DIPK2A: variants seen among roughly 807,000 people sequenced by gnomAD.
DIPK2A encodes divergent protein kinase domain 2A.
In DIPK2A, 27 loss-of-function variants were observed where a neutral mutation model predicts 39.0. The ratio of observed to expected loss-of-function variants is 0.69; its 90% CI spans 0.51 to 0.96. DIPK2A has a LOEUF of 0.96. Among genes scored for constraint, DIPK2A ranks in the 40% least tolerant of loss-of-function variants. The pLI is 0.00. For synonymous variants in DIPK2A, 298 were observed against 240.8 expected (o/e 1.24, Z -2.20); for missense variants, 528 against 571.3 (o/e 0.92, Z 0.77).
chr3:143,983,391 G>C (rs918668165), intron 1 of DIPK2A, among the ~76,000 whole-genome samples: 8 of 152,196 alleles, frequency 5.3e-5, no homozygotes, highest in African/African-American at 1.9e-4. Flanking sequence ...TTAGAATTCA[G>C]AATTAAGAAA....
At chr3:143,987,088 C>A (rs2087913922) in intron 2 of DIPK2A, among the ~76,000 whole-genome samples, 1 of 152,166 alleles carries the variant, frequency 6.6e-6, no homozygotes, top group South Asian at 2.1e-4. Context: ...TATTTCTTGA[C>A]TTGCCATGTA....
rs528144068 is a variant in DIPK2A at position 143,983,214 on chromosome 3, C to G, written c.658-2329C>G. 7.5e-4 allele frequency among the ~76,000 whole-genome samples: 114 copies of G among 152,240 alleles called. No homozygotes were observed. In the South Asian group the frequency reaches 0.023, roughly 31 times the overall value. Reference sequence around the variant, plus strand: ...TTCAGGACTTGAACTCAGCTCTGGACCAAGTGGACCTAATAGACATCTACA... The same window carrying G: ...TTCAGGACTTGAACTCAGCTCTGGAGCAAGTGGACCTAATAGACATCTACA... On this transcript the variant is annotated intron_variant, in intron 1 of 2. Coordinates refer to ENST00000315691, the MANE Select transcript of DIPK2A (RefSeq NM_173552.5).
At position 143,989,853 on chromosome 3, in the gene DIPK2A, C is replaced by G. The variant is rs758886062; in HGVS notation, c.*12C>G. 8.7e-5 allele frequency: 139 copies of G among 1,593,668 alleles called. No homozygotes were observed. Among genetic ancestry groups the G allele is most frequent in the Non-Finnish European group, 1.1e-4 (129 of 1,166,082 alleles). On this transcript the variant is annotated 3_prime_UTR_variant, in exon 3 of 3. Coordinates refer to ENST00000315691, the MANE Select transcript of DIPK2A (RefSeq NM_173552.5). ...ACAACGTGAGGTAGTCTATGGTGAACTTTTCTTTTTTTCTCCATTTAAACA... is the reference window on the plus strand; with the variant it reads ...ACAACGTGAGGTAGTCTATGGTGAAGTTTTCTTTTTTTCTCCATTTAAACA...
chr3:143,973,161 G>C, intron 1 of DIPK2A, 172 bp downstream of exon 1: 1 of 1,067,050 alleles, frequency 9.4e-7, no homozygotes, highest in Non-Finnish European at 1.4e-6. Context: ...TGTGCAGGGA[G>C]GCCGAGGGCG....
intron 1 of DIPK2A, chr3:143,978,438 GT>G (rs1363718051): frequency 6.6e-6 from 1 of 152,074 alleles, no homozygotes; most frequent in East Asian, 1.9e-4. Context: ...GAATTTGTCT[GT>G]TCATTTTACA....
chr3:143,988,786 A>T (rs1212045924), intron 2 of DIPK2A, among the ~76,000 whole-genome samples: 2 of 152,170 alleles, frequency 1.3e-5, no homozygotes, highest in Non-Finnish European at 2.9e-5. Flanking sequence ...CTTGTCATCC[A>T]ATTAGAACCT....
At chr3:143,974,854 A>G (rs2087707471) in intron 1 of DIPK2A, among the ~76,000 whole-genome samples, 2 of 152,164 alleles carry the variant, frequency 1.3e-5, no homozygotes, top group African/African-American at 4.8e-5. Context: ...ACTAAGGTAA[A>G]TTTGTGCTTT....
Position 143,990,641 on chromosome 3 carries a change from T to C in DIPK2A, c.*800T>C, listed in dbSNP as rs773019832. 4.5e-4 allele frequency: 68 copies of C among 152,676 alleles called. No individual in the cohort carries two copies. The highest frequency in any genetic ancestry group is 6.6e-4 in the Non-Finnish European group (45 of 67,978). The allele number at this position is 152,676 out of a possible 1,614,324, so 9.5% of individuals were successfully genotyped here. On this transcript the variant is annotated 3_prime_UTR_variant, in exon 3 of 3. Transcript: ENST00000315691. ...TTTTCTAAAGGCTTTAAGAAGAATA[T>C]ACTAGAATCTATATATTGATGTTAA...
chr3:143,981,518 G>A (rs2087829120), intron 1 of DIPK2A, among the ~76,000 whole-genome samples: 2 of 151,962 alleles, frequency 1.3e-5, no homozygotes, highest in Non-Finnish European at 2.9e-5. Context: ...CATCCTTTAG[G>A]TCTCAGCCTG....
intron 2 of DIPK2A, among the ~76,000 whole-genome samples, chr3:143,987,465 CTAAA>C (rs1457569972): frequency 6.6e-6 from 1 of 152,186 alleles, no homozygotes; most frequent in Non-Finnish European, 1.5e-5. Flanking sequence ...CATGGGTCCT[CTAAA>C]TAGTCACTTT....
Position 143,989,742 on chromosome 3 carries a change from G to A in DIPK2A, c.1194G>A (p.Leu398=). The A allele has an allele frequency of 6.2e-7, 1 of 1,614,248 alleles. No homozygotes were observed. Among genetic ancestry groups the A allele is most frequent in the Non-Finnish European group, 8.5e-7 (1 of 1,180,046 alleles). ...EIAKDGRLEA[L]LDECANPKKR... ...CCAAAGATGGCCGGCTCGAGGCCTT[G>A]CTGGATGAGTGTGCCAACCCAAAGA... is the stretch of plus-strand genomic sequence containing the variant. The change falls in exon 3 of 3, where the codon TTG becomes TTA. Residue 398 remains leucine, a synonymous_variant. Transcript: ENST00000315691.
At chr3:143,989,190 C>T (rs1269456767) in intron 2 of DIPK2A, among the ~76,000 whole-genome samples, 1 of 152,148 alleles carries the variant, frequency 6.6e-6, no homozygotes, top group Non-Finnish European at 1.5e-5. Context: ...TCTACAGCCC[C>T]AGGGACAAGT....
chr3:143,982,712 A>G (rs1314548616), intron 1 of DIPK2A, among the ~76,000 whole-genome samples: 2 of 152,228 alleles, frequency 1.3e-5, no homozygotes, highest in Non-Finnish European at 2.9e-5. Context: ...ATAACCAGCT[A>G]GCATCATAAT....
rs1444035261 is a variant in DIPK2A, at chr3:143,972,834, G to A, written c.502G>A (p.Val168Met). 3 of 1,566,746 alleles carry A rather than the reference G, an allele frequency of 1.9e-6. No homozygotes were observed. Among genetic ancestry groups the A allele is most frequent in the East Asian group, 2.3e-5 (1 of 42,806 alleles). ...GGCGGTGGAGGGCTGGTCGGACCTGGTGCACTGCCCCTCGCAGCGCCTTCT... is the reference window on the plus strand; with the variant it reads ...GGCGGTGGAGGGCTGGTCGGACCTGATGCACTGCCCCTCGCAGCGCCTTCT... The part of the protein sequence containing the change: ...PEAVEGWSDL[V>M]HCPSQRLLDR... The change falls in exon 1 of 3, where the codon GTG becomes ATG. Residue 168 changes from valine (V) to methionine (M), a missense_variant. Around this residue, in one of 2 missense-constraint regions of DIPK2A, gnomAD observed 309 missense variants for 289.8 expected, o/e 1.07. Coordinates refer to ENST00000315691, the MANE Select transcript of DIPK2A (RefSeq NM_173552.5).
At chr3:143,980,214 G>A (rs1311737053) in intron 1 of DIPK2A, among the ~76,000 whole-genome samples, 3 of 151,914 alleles carry the variant, frequency 2.0e-5, no homozygotes, top group Non-Finnish European at 4.4e-5. Context: ...TTCAAATTTG[G>A]GCTTTAAAAA....
Position 143,989,804 on chromosome 3 carries a change from G to C in DIPK2A, c.1256G>C (p.Arg419Pro). 1 of 1,614,044 alleles carries C rather than the reference G, an allele frequency of 6.2e-7. No homozygotes were observed. The highest frequency in any genetic ancestry group is 8.5e-7 in the Non-Finnish European group (1 of 1,180,004). Residue 419 changes from arginine to proline, a missense_variant, in exon 3 of 3, where the codon CGT (arginine) becomes CCT (proline). Physicochemically the swap from Arg to Pro is moderately radical, Grantham distance 103. Transcript: ENST00000315691. ...YGRFQAAKEL[R>P]EYLAQLSNNV... is the part of the protein sequence containing the mutation. ...AGATTCCAGGCTGCAAAAGAACTGCGTGAATACCTAGCACAATTAAGTAAC... is the reference window on the plus strand; with the variant it reads ...AGATTCCAGGCTGCAAAAGAACTGCCTGAATACCTAGCACAATTAAGTAAC...
chr3:143,986,022 G>T, intron 2 of DIPK2A, 176 bp downstream of exon 2: 2 of 576,922 alleles, frequency 3.5e-6, no homozygotes, highest in South Asian at 2.4e-5. Flanking sequence ...ACTTACTGGG[G>T]GTTACATCTT....
intron 1 of DIPK2A, chr3:143,978,640 C>CTATATATATATATATATATATCTATATA (rs35495369): frequency 8.5e-6 from 1 of 117,008 alleles, no homozygotes; most frequent in African/African-American, 3.3e-5. Context: ...ATATATATAT[C>CTATATATATATATATATATATCTATATA]TATATATATA....
intron 1 of DIPK2A, among the ~76,000 whole-genome samples, chr3:143,979,335 A>G (rs1056143043): frequency 2.6e-5 from 4 of 152,264 alleles, no homozygotes; most frequent in Non-Finnish European, 5.9e-5. Context: ...TAAAAGGCAA[A>G]TAGTTTCTTT....
Sources: gnomAD v4.1 joint callset for allele counts (sites outside exome capture counted in the v4.1 genomes callset) on GRCh38, gnomAD v4.1.1 for gene constraint, gnomAD v4.1.1 regional missense constraint, MANE v1.5 for transcripts, NCBI Gene and HGNC (gene_info 2026-07-23, HGNC 2026-07-21) for gene names.